The following EXOC4 variants were observed in gnomAD, a reference collection of about 807,000 sequenced individuals.
EXOC4 encodes the protein exocyst complex component 4, also known as SEC8-like 1.
Under a neutral mutation model 107.2 loss-of-function variants are expected in EXOC4, and 71 were observed. The ratio of observed to expected loss-of-function variants is 0.66; its 90% CI spans 0.55 to 0.81. The LOEUF (loss-of-function observed/expected upper bound fraction) is 0.81, where lower values mean the gene tolerates loss of function less well. Among genes scored for constraint, EXOC4 ranks in the 30% least tolerant of loss-of-function variants. The pLI, the probability that EXOC4 is intolerant of heterozygous loss-of-function variation, is 0.00. For synonymous variants in EXOC4, 456 were observed against 441.2 expected (o/e 1.03, Z -0.42); for missense variants, 1,108 against 1,189.6 (o/e 0.93, Z 1.01).
the EXOC4 span, among the ~76,000 whole-genome samples, chr7:134,099,522 CTTTTTTTTTTT>C: frequency 0.013 from 1,339 of 103,900 alleles, 29 homozygotes; most frequent in African/African-American, 0.043. Context: ...CATCACACTT[CTTTTTTTTTTT>C]TTTTTTTTTT....
In EXOC4 at chr7:134,049,837, C is replaced by T. The variant is rs142240716; in HGVS notation, c.2688-14454C>T. Among the ~76,000 whole-genome samples the T allele has an allele frequency of 3.4e-4, 51 of 152,196 alleles. 1 individual carries two copies. The highest frequency in any genetic ancestry group is 5.8e-4 in the East Asian group (3 of 5,168). On this transcript the variant is annotated intron_variant, in intron 17 of 17. Transcript: ENST00000253861. ...AAGTAAACAAATTTAAAAAGGACTT[C>T]GAAAGGGACTATATAAGCAGTGAGG... is the stretch of plus-strand genomic sequence containing the variant.
At chr7:133,851,476 C>T (rs1404590965) in intron 11 of EXOC4, among the ~76,000 whole-genome samples, 1 of 152,170 alleles carries the variant, frequency 6.6e-6, no homozygotes, top group African/African-American at 2.4e-5. Context: ...GAGCCACTGG[C>T]CCTGCCAGGG....
the EXOC4 span, among the ~76,000 whole-genome samples, chr7:134,085,329 C>T: frequency 1.1e-5 from 1 of 94,874 alleles, no homozygotes. Flanking sequence ...AAAACAAAAA[C>T]AACAAAAAAA....
chr7:133,361,494 A>G (rs1796135807), intron 6 of EXOC4, among the ~76,000 whole-genome samples: 1 of 152,096 alleles, frequency 6.6e-6, no homozygotes, highest in African/African-American at 2.4e-5. Context: ...GTTAGCCAGG[A>G]TGGTCTCCAT....
intron 9 of EXOC4, among the ~76,000 whole-genome samples, chr7:133,535,482 C>T (rs1046626011): frequency 6.6e-6 from 1 of 152,122 alleles, no homozygotes; most frequent in Non-Finnish European, 1.5e-5. Flanking sequence ...ATCCTAACTT[C>T]AGTCAAGATA....
At chr7:134,070,610 A>G (rs6957026), downstream of EXOC4, among the ~76,000 whole-genome samples, 117,164 of 151,916 alleles carry the variant, frequency 0.77, 46,026 homozygotes, top group African/African-American at 0.91. Context: ...ATGTGAGGAG[A>G]GGCTGCTTTA....
At chr7:133,673,870 A>C (rs1453911021) in intron 10 of EXOC4, among the ~76,000 whole-genome samples, 1 of 152,222 alleles carries the variant, frequency 6.6e-6, no homozygotes, top group Non-Finnish European at 1.5e-5. Flanking sequence ...ATACTAAACA[A>C]ATATTGTAAT....
At chr7:133,928,922 C>CT (rs71162044) in intron 13 of EXOC4, among the ~76,000 whole-genome samples, 2,271 of 82,070 alleles carry the variant, frequency 0.028, 322 homozygotes, top group African/African-American at 0.074. Context: ...ACAGTAGTAC[C>CT]TTTTTTTTTT....
intron 14 of EXOC4, among the ~76,000 whole-genome samples, chr7:133,953,789 G>GC (rs1800749640): frequency 6.6e-6 from 1 of 152,166 alleles, no homozygotes; most frequent in Admixed American, 6.5e-5. Context: ...TTGGCTATAT[G>GC]CCCCCCAATA....
intron 9 of EXOC4, among the ~76,000 whole-genome samples, chr7:133,542,872 A>G (rs571969014): frequency 6.7e-6 from 1 of 150,104 alleles, no homozygotes; most frequent in South Asian, 2.1e-4. Context: ...GAAAAATTTT[A>G]TTTTTTTTTT....
intron 7 of EXOC4, among the ~76,000 whole-genome samples, chr7:133,400,890 A>G (rs1797074250): frequency 2.0e-5 from 3 of 152,236 alleles, no homozygotes; most frequent in Admixed American, 1.3e-4. Context: ...AAGAGAAGAC[A>G]GAATTTGAAA....
chr7:133,774,765 A>T (rs1796311562), intron 10 of EXOC4, among the ~76,000 whole-genome samples: 1 of 152,180 alleles, frequency 6.6e-6, no homozygotes. Flanking sequence ...GGTGAACTAA[A>T]TGGGCTGTAT....
chr7:133,360,239 G>A (rs937367976), intron 6 of EXOC4, among the ~76,000 whole-genome samples: 1 of 152,194 alleles, frequency 6.6e-6, no homozygotes, highest in South Asian at 2.1e-4. Context: ...GAAGCTGGAA[G>A]GAGTTCTGTA....
chr7:133,563,049 C>T (rs1424131326), intron 9 of EXOC4, among the ~76,000 whole-genome samples: 1 of 152,034 alleles, frequency 6.6e-6, no homozygotes, highest in East Asian at 1.9e-4. Flanking sequence ...ATATTTCAGG[C>T]CAAGGAGCAC....
At chr7:133,812,721 A>C (rs926352391) in intron 10 of EXOC4, among the ~76,000 whole-genome samples, 50 of 152,330 alleles carry the variant, frequency 3.3e-4, no homozygotes, top group African/African-American at 1.2e-3. Flanking sequence ...AACATGTATT[A>C]CTTCACATAT....
chr7:133,278,541 G>A (rs1414435084), intron 2 of EXOC4, among the ~76,000 whole-genome samples: 6 of 152,130 alleles, frequency 3.9e-5, no homozygotes, highest in South Asian at 4.2e-4. Flanking sequence ...GAGCATTCCA[G>A]GAAGAAAGGA....
intron 10 of EXOC4, among the ~76,000 whole-genome samples, chr7:133,776,308 ACTCT>A (rs1355648698): frequency 1.3e-5 from 2 of 151,800 alleles, no homozygotes; most frequent in African/African-American, 4.8e-5. Flanking sequence ...CTTAAAGTCT[ACTCT>A]CTCTCCTTTT....
At chr7:133,715,287 A>G (rs1042845441) in intron 10 of EXOC4, among the ~76,000 whole-genome samples, 3 of 152,192 alleles carry the variant, frequency 2.0e-5, no homozygotes, top group Non-Finnish European at 2.9e-5. Flanking sequence ...AGCTGGGACT[A>G]CAGTTGTGCC....
intron 9 of EXOC4, among the ~76,000 whole-genome samples, chr7:133,577,129 G>A (rs1045019551): frequency 6.6e-6 from 1 of 152,076 alleles, no homozygotes; most frequent in African/African-American, 2.4e-5. Context: ...TGATAGGGCC[G>A]GAACAGACTT....
Sources: gnomAD v4.1 joint callset for allele counts (sites outside exome capture counted in the v4.1 genomes callset) on GRCh38, gnomAD v4.1.1 for gene constraint, MANE v1.5 for transcripts, NCBI Gene and HGNC (gene_info 2026-07-23, HGNC 2026-07-21) for gene names.